The following ULK4 variants were observed in gnomAD, a reference collection of about 807,000 sequenced individuals.
ULK4 encodes unc-51 like kinase 4.
In ULK4, 133 loss-of-function variants were observed where a neutral mutation model predicts 160.6. The ratio of observed to expected loss-of-function variants is 0.83; its 90% CI spans 0.72 to 0.96. The LOEUF (loss-of-function observed/expected upper bound fraction) is 0.96. Ranked by LOEUF, ULK4 falls within the 40% of genes least tolerant of loss-of-function variation. The probability of loss-of-function intolerance (pLI) is 0.00; values close to 1 mark genes in which losing one functional copy is unlikely to be tolerated. For missense variants in ULK4, 1,580 were observed against 1,499.5 expected (o/e 1.05, Z -0.89); for synonymous variants, 534 against 539.8 (o/e 0.99, Z 0.15).
chr3:41,337,623 AACT>A (rs2080590701), intron 35 of ULK4, among the ~76,000 whole-genome samples: 2 of 152,218 alleles, frequency 1.3e-5, no homozygotes, highest in Non-Finnish European at 2.9e-5. Flanking sequence ...GGGGCCCACC[AACT>A]AAAATTTCAC....
At chr3:41,351,452 G>A (rs1390025704) in intron 35 of ULK4, among the ~76,000 whole-genome samples, 2 of 152,206 alleles carry the variant, frequency 1.3e-5, no homozygotes, top group African/African-American at 2.4e-5. Context: ...TGCTGCAGAA[G>A]TAAAGTGGCA....
At chr3:41,261,071 C>G (rs888065441) in intron 35 of ULK4, among the ~76,000 whole-genome samples, 3 of 152,018 alleles carry the variant, frequency 2.0e-5, no homozygotes. Context: ...CCAGACAAAC[C>G]GGGTAGGAGA....
At chr3:41,333,024 C>T (rs1457181119) in intron 35 of ULK4, among the ~76,000 whole-genome samples, 1 of 152,016 alleles carries the variant, frequency 6.6e-6, no homozygotes, top group Non-Finnish European at 1.5e-5. Flanking sequence ...CCAGAGGATG[C>T]GATAATAACA....
chr3:41,305,900 T>C, intron 35 of ULK4, among the ~76,000 whole-genome samples: 1 of 146,648 alleles, frequency 6.8e-6, no homozygotes, highest in East Asian at 2.0e-4. Flanking sequence ...GGAGCACCTC[T>C]GCCCGGCTGC....
chr3:41,812,450 C>T (rs563937007), intron 19 of ULK4, among the ~76,000 whole-genome samples: 1 of 151,840 alleles, frequency 6.6e-6, no homozygotes, highest in African/African-American at 2.4e-5. Context: ...TCAGGTATAA[C>T]TGTTCAAAAA....
chr3:41,522,104 T>A (rs1158119856), intron 32 of ULK4, among the ~76,000 whole-genome samples: 2 of 151,650 alleles, frequency 1.3e-5, no homozygotes, highest in Non-Finnish European at 2.9e-5. Context: ...TCTAATATAC[T>A]GGTTAAATGT....
intron 32 of ULK4, among the ~76,000 whole-genome samples, chr3:41,532,165 A>C (rs2086342328): frequency 6.6e-6 from 1 of 152,190 alleles, no homozygotes; most frequent in Admixed American, 6.5e-5. Context: ...GATTTTTCTT[A>C]CTGCTCTTCC....
At chr3:41,741,548 T>C (rs1030705859) in intron 22 of ULK4, among the ~76,000 whole-genome samples, 8 of 152,012 alleles carry the variant, frequency 5.3e-5, no homozygotes, top group African/African-American at 1.5e-4. Flanking sequence ...ACCTAAAGCA[T>C]ATATCCTGAA....
chr3:41,352,115 A>G (rs1261323736), intron 35 of ULK4, among the ~76,000 whole-genome samples: 3 of 152,168 alleles, frequency 2.0e-5, no homozygotes, highest in Non-Finnish European at 4.4e-5. Flanking sequence ...TGAAGGAGGG[A>G]GCTTGGAGTG....
At chr3:41,506,770 ATATATATAT>A in intron 32 of ULK4, among the ~76,000 whole-genome samples, 3 of 100,166 alleles carry the variant, frequency 3.0e-5, no homozygotes, top group African/African-American at 4.4e-5. Flanking sequence ...GATTTAAAAT[ATATATATAT>A]ATATATATAT....
chr3:41,367,911 T>C (rs1347549573), intron 35 of ULK4, among the ~76,000 whole-genome samples: 1 of 152,190 alleles, frequency 6.6e-6, no homozygotes, highest in Non-Finnish European at 1.5e-5. Context: ...ATATGTCATG[T>C]GTGTGCCAAG....
chr3:41,891,838 G>T (rs1196961922), intron 16 of ULK4, among the ~76,000 whole-genome samples: 1 of 152,220 alleles, frequency 6.6e-6, no homozygotes, highest in Non-Finnish European at 1.5e-5. Flanking sequence ...CCGGGAGGCA[G>T]AGGTTGCAGT....
At chr3:41,536,009 C>T (rs977370524) in intron 32 of ULK4, among the ~76,000 whole-genome samples, 2 of 152,176 alleles carry the variant, frequency 1.3e-5, no homozygotes, top group African/African-American at 2.4e-5. Flanking sequence ...CTCAGATCAT[C>T]CCCCTCTTCC....
chr3:41,822,099 T>C (rs1484505111), intron 18 of ULK4, among the ~76,000 whole-genome samples: 1 of 152,210 alleles, frequency 6.6e-6, no homozygotes, highest in African/African-American at 2.4e-5. Context: ...GCAAATCAGC[T>C]GACATAATTA....
In ULK4 at chr3:41,506,767, A is replaced by AAAAAAAAAAAAAAAAAAAAAAAATATAT; in HGVS notation, c.3227-43515_3227-43514insATATATTTTTTTTTTTTTTTTTTTTTTT. On this transcript the variant is annotated intron_variant, in intron 32 of 36. Transcript: ENST00000301831. ...AGCAATACACTGGAGTGTGATTTAA[A>AAAAAAAAAAAAAAAAAAAAAAAATATAT]ATATATATATATATATATATATATA... Among the ~76,000 whole-genome samples, 14 of 56,790 alleles carry AAAAAAAAAAAAAAAAAAAAAAAATATAT rather than the reference A, an allele frequency of 2.5e-4. 1 individual carries two copies. Among genetic ancestry groups the AAAAAAAAAAAAAAAAAAAAAAAATATAT allele is most frequent in the Non-Finnish European group, 3.8e-4 (12 of 31,982 alleles). 37.3% of individuals were successfully genotyped at this position (56,790 alleles called of 152,430 possible). A position where few individuals can be genotyped will look rare whatever the true frequency, so the allele number is the denominator to read the frequency against.
intron 32 of ULK4, among the ~76,000 whole-genome samples, chr3:41,552,447 T>C (rs1192693115): frequency 6.6e-6 from 1 of 151,974 alleles, no homozygotes; most frequent in Non-Finnish European, 1.5e-5. Context: ...TCAGTAGTCT[T>C]TTTATACACT....
At chr3:41,418,687 T>TG (rs35238077) in intron 34 of ULK4, among the ~76,000 whole-genome samples, 73,611 of 151,916 alleles carry the variant, frequency 0.48, 18,672 homozygotes, top group African/African-American at 0.63. Context: ...CCTAAGAGGA[T>TG]GAGGTAGAGT....
chr3:41,951,586 T>A (rs145898538), intron 2 of ULK4, among the ~76,000 whole-genome samples: 7 of 152,172 alleles, frequency 4.6e-5, no homozygotes, highest in African/African-American at 1.4e-4. Flanking sequence ...CCAAAACTAT[T>A]CAATGAGGAA....
At chr3:41,937,690 G>A (rs1699824769) in intron 3 of ULK4, among the ~76,000 whole-genome samples, 1 of 152,124 alleles carries the variant, frequency 6.6e-6, no homozygotes, top group Non-Finnish European at 1.5e-5. Flanking sequence ...TTATTTGTTG[G>A]TTCATCTTTG....
Sources: gnomAD v4.1 joint callset for allele counts (sites outside exome capture counted in the v4.1 genomes callset) on GRCh38, gnomAD v4.1.1 for gene constraint, MANE v1.5 for transcripts, NCBI Gene and HGNC (gene_info 2026-07-23, HGNC 2026-07-21) for gene names.